The following NCF2 variants were observed in gnomAD, a reference collection of about 807,000 sequenced individuals.
NCF2 encodes the protein neutrophil cytosol factor 2.
A neutral mutation model predicts 70.9 loss-of-function variants in NCF2; 45 were observed. The observed-to-expected ratio is 0.63, with a 90% CI of 0.50 to 0.81. The LOEUF (loss-of-function observed/expected upper bound fraction) is 0.81. NCF2 is among the 40% of genes least tolerant of loss of function. The pLI, the probability that NCF2 is intolerant of heterozygous loss-of-function variation, is 0.00. For missense variants in NCF2, 522 were observed against 631.6 expected (o/e 0.83, Z 1.86); for synonymous variants, 203 against 233.6 (o/e 0.87, Z 1.19).
intron 9 of NCF2, among the ~76,000 whole-genome samples, chr1:183,566,064 A>G (rs1156577507): frequency 6.6e-6 from 1 of 152,238 alleles, no homozygotes; most frequent in African/African-American, 2.4e-5. Context: ...TTGGAAATCC[A>G]CTGGCCGTGG....
intron 4 of NCF2, 120 bp downstream of exon 4, chr1:183,574,367 T>C: frequency 7.1e-7 from 1 of 1,410,620 alleles, no homozygotes; most frequent in Non-Finnish European, 1.0e-6. Flanking sequence ...CTAAGATCAG[T>C]GTTACCCAGA....
chr1:183,556,104 G>A lies in NCF2; in HGVS notation c.*14C>T, dbSNP rs770071182. The stretch of plus-strand genomic sequence containing the variant: ...GGGCTTCATTTTCTTCAGCTTTGTA[G>A]TTTGTGAAACATCCTAGACTTCTCT... On this transcript the variant is annotated 3_prime_UTR_variant, in exon 15 of 15. Coordinates refer to ENST00000367535, the MANE Select transcript of NCF2 (RefSeq NM_000433.4). The A allele has an allele frequency of 6.2e-7, 1 of 1,603,724 alleles. No homozygotes were observed. The highest frequency in any genetic ancestry group is 1.3e-5 in the African/African-American group (1 of 74,700).
At chr1:183,573,918 C>G (rs10911359) in intron 4 of NCF2, among the ~76,000 whole-genome samples, 2 of 151,940 alleles carry the variant, frequency 1.3e-5, no homozygotes, top group African/African-American at 4.8e-5. Context: ...GGCAAAACCC[C>G]GTCTCTATTA....
chr1:183,585,601 G>A (rs914117933), intron 2 of NCF2, among the ~76,000 whole-genome samples: 2 of 129,500 alleles, frequency 1.5e-5, no homozygotes, highest in Non-Finnish European at 1.5e-5. Context: ...CTCCAGCCTG[G>A]GTGACAGGGC....
chr1:183,573,007 TAAA>T (rs1480063240), intron 5 of NCF2, among the ~76,000 whole-genome samples, 175 bp downstream of exon 5: 1 of 152,024 alleles, frequency 6.6e-6, no homozygotes, highest in African/African-American at 2.4e-5. Context: ...TTGGAGAAAA[TAAA>T]CTAGACATGG....
chr1:183,563,683 C>T, intron 11 of NCF2, 98 bp from the exon 12 acceptor site: 10 of 1,471,752 alleles, frequency 6.8e-6, no homozygotes, highest in African/African-American at 1.4e-5. Flanking sequence ...AGGGGGTACC[C>T]AATACAGCAG....
rs113751339 is a variant in NCF2, at chr1:183,558,602, G to C, written c.1468+1494C>G. On this transcript the variant is annotated intron_variant, in intron 14 of 14. Transcript: ENST00000367535. The stretch of plus-strand genomic sequence containing the variant: ...TTTTTTTAAGACAGAGTCTCGCTCT[G>C]TCACCCAGGCTGGAGGGCAGTGGTG... Among the ~76,000 whole-genome samples, 1,340 of 151,760 alleles carry C rather than the reference G, an allele frequency of 8.8e-3. 19 individuals carry two copies. The highest frequency in any genetic ancestry group is 0.031 in the African/African-American group (1,288 of 41,278).
chr1:183,581,534 G>A (rs945899816), intron 2 of NCF2, among the ~76,000 whole-genome samples: 29 of 151,692 alleles, frequency 1.9e-4, no homozygotes, highest in African/African-American at 6.8e-4. Flanking sequence ...TCACTATGTT[G>A]CTCAGGCTGG....
chr1:183,558,350 C>T (rs1293947107), intron 14 of NCF2, among the ~76,000 whole-genome samples: 1 of 151,794 alleles, frequency 6.6e-6, no homozygotes, highest in Non-Finnish European at 1.5e-5. Context: ...TCACTGCAAC[C>T]TCCTCCTCCT....
intron 2 of NCF2, among the ~76,000 whole-genome samples, chr1:183,586,577 T>C (rs1045891867): frequency 6.6e-6 from 1 of 152,152 alleles, no homozygotes; most frequent in Non-Finnish European, 1.5e-5. Context: ...CAGTACCTCA[T>C]AGGAGACCTA....
In NCF2 at chr1:183,560,348, C is replaced by T. The variant is rs183112085; in HGVS notation, c.1291-75G>A. 1,103 of 1,521,996 alleles carry T rather than the reference C, an allele frequency of 7.2e-4. 11 individuals carry two copies. The highest frequency in any genetic ancestry group is 5.1e-3 in the South Asian group (451 of 88,832). The allele number at this position is 1,521,996 out of a possible 1,614,324, so 94.3% of individuals were successfully genotyped here. A position where few individuals can be genotyped will look rare whatever the true frequency, so the allele number is the denominator to read the frequency against. ...CACTGAACATCACTAAAGGAAACAGCGAAATGTCAAAGTAGAACCTGGGAT... is the reference window on the plus strand; with the variant it reads ...CACTGAACATCACTAAAGGAAACAGTGAAATGTCAAAGTAGAACCTGGGAT... On this transcript the variant is annotated intron_variant, in intron 13 of 14. Coordinates refer to ENST00000367535, the MANE Select transcript of NCF2 (RefSeq NM_000433.4).
chr1:183,594,418 A>G (rs1673735674), upstream of NCF2, among the ~76,000 whole-genome samples: 1 of 152,234 alleles, frequency 6.6e-6, no homozygotes, highest in South Asian at 2.1e-4. Context: ...CTTAAAAGAT[A>G]AAAATAACGT....
intron 13 of NCF2, among the ~76,000 whole-genome samples, chr1:183,562,781 C>G (rs1672121887): frequency 7.0e-6 from 1 of 142,646 alleles, no homozygotes; most frequent in African/African-American, 2.7e-5. Flanking sequence ...TTCAGTGAGC[C>G]AAGATCACAC....
intron 1 of NCF2, among the ~76,000 whole-genome samples, chr1:183,589,629 G>A (rs1247290483): frequency 6.6e-6 from 1 of 152,162 alleles, no homozygotes; most frequent in Non-Finnish European, 1.5e-5. Context: ...ATTTCCTCTT[G>A]CCAGCCTCAG....
At chr1:183,563,780 C>T (rs548229875) in intron 11 of NCF2, 195 bp from the exon 12 acceptor site, 156 of 814,512 alleles carry the variant, frequency 1.9e-4, no homozygotes, top group Non-Finnish European at 6.8e-5. Context: ...GACAGGAATT[C>T]CTACTGAGTA....
intron 2 of NCF2, 101 bp from the exon 3 acceptor site, chr1:183,577,808 G>A: frequency 1.1e-6 from 1 of 874,410 alleles, no homozygotes; most frequent in South Asian, 1.4e-5. Flanking sequence ...ATTTCACTGG[G>A]ACAAGAAGCC....
chr1:183,563,089 A>G (rs1355796082), intron 13 of NCF2, 106 bp downstream of exon 13: 1 of 1,009,392 alleles, frequency 9.9e-7, no homozygotes, highest in Non-Finnish European at 1.6e-6. Flanking sequence ...CATATCCCCA[A>G]CACCACATAT....
chr1:183,597,612 G>A, the NCF2 span, among the ~76,000 whole-genome samples: 20 of 152,100 alleles, frequency 1.3e-4, no homozygotes, highest in African/African-American at 3.4e-4. Flanking sequence ...TTGCCCACCC[G>A]TCTCCTTTCC....
chr1:183,588,205 C>A (rs2102937824), intron 1 of NCF2, among the ~76,000 whole-genome samples: 1 of 152,280 alleles, frequency 6.6e-6, no homozygotes, highest in African/African-American at 2.4e-5. Flanking sequence ...CTTAAAGATA[C>A]AATTCCTATC....
Sources: allele counts gnomAD v4.1 joint callset (sites outside exome capture counted in the v4.1 genomes callset), GRCh38; gene constraint gnomAD v4.1.1; transcripts MANE v1.5; gene names NCBI Gene and HGNC (gene_info 2026-07-23, HGNC 2026-07-21).